The following HUWE1 variants were observed in gnomAD, a reference collection of about 807,000 sequenced individuals.
HUWE1 encodes HECT, UBA and WWE domain containing E3 ubiquitin protein ligase 1.
HUWE1 carries 18 observed loss-of-function variants against 299.4 expected under a neutral mutation model. The ratio of observed to expected loss-of-function variants is 0.06; its 90% CI spans 0.04 to 0.09. The LOEUF is 0.09. Ranked by LOEUF, HUWE1 falls within the 10% of genes least tolerant of loss-of-function variation. The pLI, the probability that HUWE1 is intolerant of heterozygous loss-of-function variation, is 1.00. For synonymous variants in HUWE1, 1,317 were observed against 1,286.1 expected (o/e 1.02, Z -0.51); for missense variants, 1,832 against 3,462.3 (o/e 0.53, Z 11.82).
In HUWE1 at chrX:53,551,446, A is replaced by G. The variant is rs1556928929; in HGVS notation, c.8916T>C (p.Phe2972=). 8.3e-7 allele frequency: 1 copy of G among 1,206,575 alleles called. No homozygotes were observed. The highest frequency in any genetic ancestry group is 3.0e-5 in the East Asian group (1 of 33,576). The part of the protein sequence containing the change: ...ISLPEGVDPS[F]LAALPDDIRR... ...GGATGTCATCAGGCAGGGCAGCCAGAAAAGAGGGGTCCACACCTTCAGGGA... is the reference window on the plus strand; with the variant it reads ...GGATGTCATCAGGCAGGGCAGCCAGGAAAGAGGGGTCCACACCTTCAGGGA... Residue 2972 remains phenylalanine, a synonymous_variant, in exon 64 of 84, where the codon TTT becomes TTC. Coordinates refer to ENST00000262854, the MANE Select transcript of HUWE1 (RefSeq NM_031407.7).
At chrX:53,571,991 A>G (rs782712480) in intron 47 of HUWE1, among the ~76,000 whole-genome samples, 2 of 112,262 alleles carry the variant, frequency 1.8e-5, no homozygotes, top group Non-Finnish European at 3.8e-5. Context: ...ATATATATTC[A>G]TAAGAATGCT....
At chrX:53,565,281 T>C (rs2062469210) in intron 49 of HUWE1, 42 bp from the exon 50 acceptor site, 3 of 1,080,166 alleles carry the variant, frequency 2.8e-6, no homozygotes. Context: ...AGCACAGAAA[T>C]ACTAGGTGTC....
chrX:53,542,808 A>T, intron 73 of HUWE1: 1 of 341,807 alleles, frequency 2.9e-6, no homozygotes, highest in Non-Finnish European at 5.2e-6. Flanking sequence ...ACCAGTCAGA[A>T]CTAGCCTCCT....
chrX:53,580,789 C>T (rs1556966493), intron 43 of HUWE1, 42 bp downstream of exon 43: 1 of 1,169,066 alleles, frequency 8.6e-7, no homozygotes, highest in South Asian at 1.8e-5. Context: ...TTATACCAGG[C>T]CACAAACTTA....
intron 3 of HUWE1, among the ~76,000 whole-genome samples, chrX:53,675,307 G>GA (rs1462040292): frequency 2.7e-5 from 3 of 111,724 alleles, no homozygotes; most frequent in Non-Finnish European, 5.7e-5. Context: ...ATGCCACTCT[G>GA]AAATCCAATA....
At chrX:53,627,568 T>A (rs1232545431) in intron 16 of HUWE1, 53 bp from the exon 17 acceptor site, 28 of 724,245 alleles carry the variant, frequency 3.9e-5, no homozygotes, top group Admixed American at 1.3e-4. Flanking sequence ...TATATATTTT[T>A]TTTTTCAGGG....
intron 53 of HUWE1, 46 bp from the exon 54 acceptor site, chrX:53,562,290 A>G (rs782457004): frequency 1.1e-5 from 13 of 1,194,035 alleles, no homozygotes; most frequent in Non-Finnish European, 1.5e-5. Context: ...AGTAGCTAGA[A>G]AACAGGCTAC....
Position 53,591,007 on chromosome X carries a change from ACTC to A in HUWE1, c.4085_4087del (p.Gly1362del). The A allele has an allele frequency of 1.7e-6, 2 of 1,209,495 alleles. No individual in the cohort carries two copies. Among genetic ancestry groups the A allele is most frequent in the Non-Finnish European group, 2.2e-6 (2 of 894,712 alleles). ...GCTTCTGAGCCAACTTACCCGAACA[ACTC>A]CTCCCATGATTGGAGGAGGGTGGGT... is the stretch of plus-strand genomic sequence containing the variant. On this transcript the variant is annotated inframe_deletion, in exon 34 of 84. Coordinates refer to ENST00000262854, the MANE Select transcript of HUWE1 (RefSeq NM_031407.7).
chrX:53,586,668 A>G (rs1338622021), intron 38 of HUWE1, 97 bp from the exon 39 acceptor site: 5 of 1,074,205 alleles, frequency 4.7e-6, no homozygotes, highest in Non-Finnish European at 5.1e-6. Flanking sequence ...TTATAATTTT[A>G]AAACTACAGA....
At chrX:53,682,348 C>T (rs1290739372) in intron 2 of HUWE1, among the ~76,000 whole-genome samples, 1 of 112,133 alleles carries the variant, frequency 8.9e-6, no homozygotes, top group African/African-American at 3.3e-5. Flanking sequence ...AAAACACACA[C>T]TATTAATTTC....
intron 27 of HUWE1, 31 bp downstream of exon 27, chrX:53,603,337 A>C (rs1352037715): frequency 4.2e-6 from 5 of 1,197,688 alleles, no homozygotes; most frequent in Non-Finnish European, 5.6e-6. Flanking sequence ...CTTAGATAAC[A>C]AAGTAATAAG....
chrX:53,534,719 C>G (rs782476663), intron 81 of HUWE1, 22 bp from the exon 82 acceptor site: 1 of 1,195,276 alleles, frequency 8.4e-7, no homozygotes, highest in South Asian at 1.8e-5. Context: ...ACCAAAAAGC[C>G]AAATGACTTC....
chrX:53,634,102 T>C (rs2067048378), intron 8 of HUWE1, 134 bp downstream of exon 8: 2 of 546,712 alleles, frequency 3.7e-6, no homozygotes, highest in East Asian at 7.1e-5. Flanking sequence ...CAGCTATGTC[T>C]GAACTGATCT....
chrX:53,620,952 G>A (rs955920921), intron 19 of HUWE1, among the ~76,000 whole-genome samples: 3 of 111,631 alleles, frequency 2.7e-5, no homozygotes, highest in Non-Finnish European at 3.8e-5. Flanking sequence ...TTAAAGGACT[G>A]CTAACTGGAG....
chrX:53,610,594 C>T (rs1191129276), intron 23 of HUWE1, among the ~76,000 whole-genome samples: 2 of 111,511 alleles, frequency 1.8e-5, no homozygotes, highest in African/African-American at 6.5e-5. Flanking sequence ...GCTCATGCCC[C>T]CATCAAAAGT....
chrX:53,547,844 T>C lies in HUWE1; in HGVS notation c.10465A>G (p.Thr3489Ala), dbSNP rs782710130. ...GCAGTGGTGGTGGTGGTAGATGTGG[T>C]TGAGGTGGCAGTGGTGGTGGAGGAA... Reference protein sequence around the residue: ...GASSTTTATSTTSTTTTTAAS... With the variant: ...GASSTTTATSATSTTTTTAAS... Residue 3489 changes from threonine (T) to alanine (A), a missense_variant, in exon 68 of 84, where the codon ACC (threonine) becomes GCC (alanine). By Grantham distance (58) the Thr-to-Ala change is moderately conservative (BLOSUM62 0). Transcript: ENST00000262854. The C allele has an allele frequency of 1.2e-5, 14 of 1,199,400 alleles. No individual in the cohort carries two copies. Among genetic ancestry groups the C allele is most frequent in the African/African-American group, 1.1e-4 (6 of 56,669 alleles).
intron 23 of HUWE1, among the ~76,000 whole-genome samples, chrX:53,614,264 T>A: frequency 9.0e-6 from 1 of 110,615 alleles, no homozygotes; most frequent in Non-Finnish European, 1.9e-5. Flanking sequence ...AAACTCTCTC[T>A]CAAAAAAATC....
At chrX:53,626,053 T>A in intron 17 of HUWE1, 1 of 375,288 alleles carries the variant, frequency 2.7e-6, no homozygotes, top group South Asian at 2.5e-5. Flanking sequence ...CAAGTTATGA[T>A]AAAGAAACTT....
At chrX:53,639,740 A>G (rs1557029247) in intron 7 of HUWE1, among the ~76,000 whole-genome samples, 1 of 111,226 alleles carries the variant, frequency 9.0e-6, no homozygotes, top group Non-Finnish European at 1.9e-5. Context: ...TTTTAAAAGA[A>G]AGCAAATACA....
Sources: gnomAD v4.1 joint callset for allele counts (sites outside exome capture counted in the v4.1 genomes callset) on GRCh38, gnomAD v4.1.1 for gene constraint, MANE v1.5 for transcripts, NCBI Gene and HGNC (gene_info 2026-07-23, HGNC 2026-07-21) for gene names.